The following MCF2L variants were observed in gnomAD, a reference collection of about 807,000 sequenced individuals.
MCF2L encodes the protein MCF.2 cell line derived transforming sequence like.
In MCF2L, 97 loss-of-function variants were observed where a neutral mutation model predicts 153.4. The ratio of observed to expected loss-of-function variants is 0.63; its 90% CI spans 0.54 to 0.75. MCF2L has a LOEUF of 0.75. Among genes scored for constraint, MCF2L ranks in the 30% least tolerant of loss-of-function variants. The pLI is 0.00. For synonymous variants in MCF2L, 659 were observed against 632.2 expected (o/e 1.04, Z -0.64); for missense variants, 1,347 against 1,495.2 (o/e 0.90, Z 1.64).
intron 18 of MCF2L, 172 bp from the exon 19 acceptor site, chr13:113,084,720 G>A: frequency 1.6e-6 from 1 of 616,952 alleles, no homozygotes; most frequent in Non-Finnish European, 2.9e-6. Context: ...GAGCCTGGGA[G>A]CCAGTGCCGG....
chr13:113,044,956 C>T, intron 3 of MCF2L: 2 of 1,579,636 alleles, frequency 1.3e-6, no homozygotes, highest in South Asian at 1.1e-5. Context: ...AATGACTCGG[C>T]TCTTACTGTG....
rs1008846536 is a variant in MCF2L, at chr13:112,943,692, C to G, written c.169+41321C>G. The stretch of plus-strand genomic sequence containing the variant: ...GGGAAGGCGGGAGCGCTCGCAGTTC[C>G]CTCCTGGAGGGACCACACCGCCGGG... On this transcript the variant is annotated intron_variant, in intron 2 of 29. Coordinates refer to the MCF2L transcript ENST00000375608. This position sits in a 1 kb window ranked among gnomAD's most constrained non-coding sequence, Gnocchi z 4.2. Among the ~76,000 whole-genome samples the G allele has an allele frequency of 3.9e-5, 6 of 152,144 alleles. No homozygotes were observed. Among genetic ancestry groups the G allele is most frequent in the Non-Finnish European group, 8.8e-5 (6 of 68,012 alleles).
Position 112,932,219 on chromosome 13 carries a change from C to G in MCF2L, c.169+29848C>G, listed in dbSNP as rs1484459229. ...GGCGACCAGGCGTGTAGACTCGTGC[C>G]CTGGGTAAGGCGTGACCGGGATGGC... On this transcript the variant is annotated intron_variant, in intron 2 of 29. Transcript: ENST00000375608. The surrounding 1 kb of genome is among the most constrained non-coding windows in gnomAD (Gnocchi z 4.6). 6.7e-6 allele frequency among the ~76,000 whole-genome samples: 1 copy of G among 149,612 alleles called. No individual in the cohort carries two copies. Among genetic ancestry groups the G allele is most frequent in the Non-Finnish European group, 1.5e-5 (1 of 67,110 alleles).
At chr13:112,985,357 G>T (rs9577407) in intron 1 of MCF2L, 1 of 468,708 alleles carries the variant, frequency 2.1e-6, no homozygotes, top group African/African-American at 2.0e-5. Flanking sequence ...GGCAGCGCGC[G>T]TCCTCCCCGG....
intron 2 of MCF2L, among the ~76,000 whole-genome samples, chr13:112,921,224 A>G (rs757506203): frequency 1.3e-5 from 2 of 152,096 alleles, no homozygotes; most frequent in African/African-American, 4.8e-5. Flanking sequence ...AAAACAAAAC[A>G]AAAAAACTGC....
chr13:113,066,172 T>C lies in MCF2L; in HGVS notation c.881+2T>C. On this transcript the variant is annotated splice_donor_variant, in intron 8 of 29. Transcript: ENST00000535094. LOFTEE classifies it high-confidence loss of function. ...TGACAACCAGGCCACCGTGCAGAGG[T>C]GAGGCCCGGCTGCCTTCCTGCCCTC... 6.2e-7 allele frequency: 1 copy of C among 1,604,486 alleles called. No homozygotes were observed. The highest frequency in any genetic ancestry group is 8.5e-7 in the Non-Finnish European group (1 of 1,175,144).
chr13:113,002,092 G>A, intron 1 of MCF2L: 1 of 1,306,526 alleles, frequency 7.7e-7, no homozygotes, highest in Non-Finnish European at 1.0e-6. Flanking sequence ...GTCCTCAGAG[G>A]CTGCTGGGGC....
At chr13:112,940,627 G>A (rs939001355) in intron 2 of MCF2L, among the ~76,000 whole-genome samples, 4 of 152,198 alleles carry the variant, frequency 2.6e-5, no homozygotes, top group Admixed American at 6.5e-5. Context: ...GAATCTTTTC[G>A]TAAATGTACG....
chr13:112,985,583 C>T (rs989633443), intron 1 of MCF2L: 12 of 418,484 alleles, frequency 2.9e-5, no homozygotes, highest in Non-Finnish European at 4.5e-5. Flanking sequence ...GTGGATGCCC[C>T]GTGCTCCACA....
chr13:112,986,423 A>G (rs986708870), intron 1 of MCF2L, among the ~76,000 whole-genome samples: 3 of 152,212 alleles, frequency 2.0e-5, no homozygotes, highest in African/African-American at 7.2e-5. Flanking sequence ...GTGTGGGAGG[A>G]CACAGCAGTA....
intron 26 of MCF2L, among the ~76,000 whole-genome samples, chr13:113,093,325 A>C (rs2035377489): frequency 6.6e-6 from 1 of 152,250 alleles, no homozygotes; most frequent in Non-Finnish European, 1.5e-5. Flanking sequence ...TGGAAGGCTC[A>C]ACTGCCTCCA....
intron 1 of MCF2L, among the ~76,000 whole-genome samples, chr13:112,999,637 G>A (rs957799992): frequency 1.3e-5 from 2 of 152,212 alleles, no homozygotes; most frequent in African/African-American, 2.4e-5. Context: ...GTCTCTGCAG[G>A]CCTTGAGCAC....
intron 1 of MCF2L, among the ~76,000 whole-genome samples, chr13:112,997,453 G>T (rs1328637517): frequency 6.6e-6 from 1 of 152,208 alleles, no homozygotes; most frequent in Non-Finnish European, 1.5e-5. Context: ...GCAGAGTGGG[G>T]GGCATGGGTG....
intron 2 of MCF2L, among the ~76,000 whole-genome samples, chr13:112,936,104 AC>A (rs2081511837): frequency 6.6e-6 from 1 of 152,046 alleles, no homozygotes; most frequent in Non-Finnish European, 1.5e-5. Flanking sequence ...ACATAGTGAA[AC>A]CCCGTCTCTA....
rs1027194626 is a variant in MCF2L at position 112,963,002 on chromosome 13, G to T, written c.170-51761G>T. Among the ~76,000 whole-genome samples the T allele has an allele frequency of 2.6e-5, 4 of 152,302 alleles. No homozygotes were observed. The East Asian group carries it at 7.7e-4, about 29-fold the overall frequency. Reference sequence around the variant, plus strand: ...TGAGCAGCTAAAAGGTGTTTGAAGGGGTGGGTCCCGTGGGTGAGAACCTGT... The same window carrying T: ...TGAGCAGCTAAAAGGTGTTTGAAGGTGTGGGTCCCGTGGGTGAGAACCTGT... On this transcript the variant is annotated intron_variant, in intron 2 of 29. Transcript: ENST00000375608.
Position 112,914,194 on chromosome 13 carries a change from G to T in MCF2L, c.169+11823G>T, listed in dbSNP as rs147290630. Among the ~76,000 whole-genome samples the T allele has an allele frequency of 9.9e-3, 1,507 of 152,206 alleles. 14 individuals carry two copies. Among genetic ancestry groups the T allele is most frequent in the Non-Finnish European group, 0.015 (1,047 of 68,030 alleles). ...ATTCTTGCTCTGCACTGGTCCTTCC[G>T]CCAGGACCTGGTGCGTCCCCCAAGA... On this transcript the variant is annotated intron_variant, in intron 2 of 29. Transcript: ENST00000375608.
At chr13:113,088,263 A>G in intron 23 of MCF2L, 64 bp from the exon 24 acceptor site, 5 of 1,352,492 alleles carry the variant, frequency 3.7e-6, no homozygotes, top group Non-Finnish European at 5.3e-6. Context: ...CCGAGAGTGA[A>G]ACCAAAGCGT....
At chr13:112,980,585 G>A (rs958180536) in intron 1 of MCF2L, among the ~76,000 whole-genome samples, 1 of 125,944 alleles carries the variant, frequency 7.9e-6, no homozygotes, top group South Asian at 2.6e-4. Context: ...GCTGAGCGGC[G>A]CCAGCCAGGA....
At chr13:112,906,504 G>A (rs2081174305) in intron 2 of MCF2L, among the ~76,000 whole-genome samples, 1 of 152,196 alleles carries the variant, frequency 6.6e-6, no homozygotes, top group South Asian at 2.1e-4. Context: ...ACGCACACAC[G>A]GTGCAGTTCC....
Sources: allele counts gnomAD v4.1 joint callset (sites outside exome capture counted in the v4.1 genomes callset), GRCh38; gene constraint gnomAD v4.1.1; non-coding constraint Gnocchi (gnomAD v3.1); transcripts MANE v1.5; gene names NCBI Gene and HGNC (gene_info 2026-07-23, HGNC 2026-07-21).